Variants in ZNF93 observed in about 807,000 individuals in gnomAD.
ZNF93 encodes zinc finger protein 505.
A neutral mutation model predicts 45.0 loss-of-function variants in ZNF93; 29 were observed. The ratio of observed to expected loss-of-function variants is 0.64; its 90% confidence interval spans 0.48 to 0.88. ZNF93 has a LOEUF of 0.88. Among genes scored for constraint, ZNF93 ranks in the 40% least tolerant of loss-of-function variants. ZNF93 has a pLI of 0.00. For synonymous variants in ZNF93, 223 were observed against 244.6 expected (o/e 0.91, Z 0.82); for missense variants, 578 against 724.0 (o/e 0.80, Z 2.31).
At chr19:19,916,444 G>T (rs960679017) in intron 2 of ZNF93, 116 bp from the exon 3 acceptor site, 1 of 805,618 alleles carries the variant, frequency 1.2e-6, no homozygotes, top group South Asian at 1.8e-5. Context: ...TTATAAATTT[G>T]TATTTTGGTA....
intron 1 of ZNF93, among the ~76,000 whole-genome samples, chr19:19,912,848 C>G (rs540855853): frequency 3.0e-4 from 46 of 152,326 alleles, no homozygotes; most frequent in African/African-American, 1.1e-3. Context: ...CAGCACCGTG[C>G]TCTGTATCAT....
chr19:19,915,198 T>C, intron 1 of ZNF93, 82 bp from the exon 2 acceptor site: 1 of 1,607,630 alleles, frequency 6.2e-7, no homozygotes, highest in Non-Finnish European at 8.5e-7. Context: ...ACCACTTCTC[T>C]TTACTCTCTC....
Position 19,913,311 on chromosome 19 carries a change from A to G in ZNF93, c.4-1969A>G, listed in dbSNP as rs560318084. On this transcript the variant is annotated intron_variant, in intron 1 of 3. Transcript: ENST00000343769. ...GCTTCTCATTAGGATCACATGACCAATTTGCTGAAATCTCTTGTACCCTCC... is the reference window on the plus strand; with the variant it reads ...GCTTCTCATTAGGATCACATGACCAGTTTGCTGAAATCTCTTGTACCCTCC... Among the ~76,000 whole-genome samples the G allele has an allele frequency of 4.6e-5, 7 of 152,276 alleles. No individual in the cohort carries two copies. In the South Asian group the frequency reaches 1.2e-3, roughly 27 times the overall value.
In ZNF93 at chr19:19,933,482, T is replaced by G; in HGVS notation, c.527T>G (p.Ile176Arg). The part of the protein sequence containing the change: ...RHTEKKPFKC[I>R]ECGKAFNQFS... ...ACTGAAAAAAAACCTTTCAAATGCA[T>G]AGAATGTGGCAAAGCTTTTAACCAG... Residue 176 changes from isoleucine to arginine, a missense_variant, in exon 4 of 4, where the codon ATA becomes AGA. Transcript: ENST00000343769. The G allele has an allele frequency of 1.2e-6, 2 of 1,605,478 alleles. No homozygotes were observed. The highest frequency in any genetic ancestry group is 1.7e-6 in the Non-Finnish European group (2 of 1,177,562).
chr19:19,924,235 T>C (rs1356256519), intron 3 of ZNF93, among the ~76,000 whole-genome samples: 1 of 151,862 alleles, frequency 6.6e-6, no homozygotes, highest in Non-Finnish European at 1.5e-5. Flanking sequence ...TTACAGGTGT[T>C]TGCCACAATG....
Position 19,934,523 on chromosome 19 carries a change from C to A in ZNF93, c.1568C>A (p.Thr523Asn). 6.2e-7 allele frequency: 1 copy of A among 1,612,486 alleles called. No homozygotes were observed. Among genetic ancestry groups the A allele is most frequent in the Non-Finnish European group, 8.5e-7 (1 of 1,179,782 alleles). ...ECGKAFNQSS[T>N]LIKHKKIHTR... Reference sequence around the variant, plus strand: ...GGCAAAGCTTTTAACCAGTCCTCAACCCTTATTAAACATAAGAAAATTCAT... The same window carrying A: ...GGCAAAGCTTTTAACCAGTCCTCAAACCTTATTAAACATAAGAAAATTCAT... Residue 523 changes from threonine to asparagine, a missense_variant, in exon 4 of 4, where the codon ACC becomes AAC. By Grantham distance (65) the Thr-to-Asn change is moderately conservative. This residue lies in a region of ZNF93 where 119 missense variants were observed against 123.1 expected (regional missense o/e 0.97). Coordinates refer to ENST00000343769, the MANE Select transcript of ZNF93 (RefSeq NM_031218.4).
At chr19:19,910,549 A>G (rs78064675) in intron 1 of ZNF93, among the ~76,000 whole-genome samples, 6,162 of 152,224 alleles carry the variant, frequency 0.04, 294 homozygotes, top group East Asian at 0.17. Flanking sequence ...AACTGCTGGT[A>G]ATCAAAATGC....
chr19:19,908,031 A>G (rs754621251), intron 1 of ZNF93, among the ~76,000 whole-genome samples: 8 of 152,184 alleles, frequency 5.3e-5, no homozygotes, highest in Non-Finnish European at 1.2e-4. Flanking sequence ...ATCCAAAGAA[A>G]ATTTACTACC....
In ZNF93 at chr19:19,910,310, C is replaced by G. The variant is rs1046882804; in HGVS notation, c.4-4970C>G. ...AAAGTACTGTTATGTCTTTCTCCCC[C>G]CTTTGAACTATGTATTCATCTCTTG... is the stretch of plus-strand genomic sequence containing the variant. On this transcript the variant is annotated intron_variant, in intron 1 of 3. Transcript: ENST00000343769. 2.0e-5 allele frequency among the ~76,000 whole-genome samples: 3 copies of G among 152,140 alleles called. No homozygotes were observed. In the East Asian group the frequency reaches 5.8e-4, roughly 29 times the overall value.
At position 19,901,016 on chromosome 19, in the gene ZNF93, C is replaced by G; in HGVS notation, c.-73C>G. ...GTGTCCTGTGCTCCTACAGGCCCAG[C>G]CTCTGTGGCCCTGTGACCTGCAGGT... On this transcript the variant is annotated 5_prime_UTR_variant, in exon 1 of 4. Transcript: ENST00000343769. 1.3e-6 allele frequency: 2 copies of G among 1,596,736 alleles called. No homozygotes were observed. The highest frequency in any genetic ancestry group is 1.7e-6 in the Non-Finnish European group (2 of 1,164,848).
intron 1 of ZNF93, among the ~76,000 whole-genome samples, chr19:19,906,903 T>C (rs1270396514): frequency 1.3e-5 from 2 of 150,370 alleles, no homozygotes; most frequent in Non-Finnish European, 3.0e-5. Flanking sequence ...TTTTATAACA[T>C]CTTTTTCTCT....
At position 19,915,312 on chromosome 19, in the gene ZNF93, A is replaced by C; in HGVS notation, c.36A>C (p.Glu12Asp). Residue 12 changes from glutamate (E) to aspartate (D), a missense_variant, in exon 2 of 4, where the codon GAA (glutamate) becomes GAC (aspartate). By Grantham distance (45) the Glu-to-Asp change is conservative. Around this residue, in one of 3 missense-constraint regions of ZNF93, gnomAD observed 446 missense variants for 547.6 expected, o/e 0.81. Transcript: ENST00000343769. ...TGCAATTTAGAGATGTGGCCATAGAATTCTCTCTGGAGGAGTGGCATTGCC... is the reference window on the plus strand; with the variant it reads ...TGCAATTTAGAGATGTGGCCATAGACTTCTCTCTGGAGGAGTGGCATTGCC... ...GPLQFRDVAI[E>D]FSLEEWHCLD... 1 of 1,614,076 alleles carries C rather than the reference A, an allele frequency of 6.2e-7. No individual in the cohort carries two copies. The highest frequency in any genetic ancestry group is 8.5e-7 in the Non-Finnish European group (1 of 1,179,978).
intron 1 of ZNF93, among the ~76,000 whole-genome samples, chr19:19,906,252 AT>A (rs2063292565): frequency 6.6e-6 from 1 of 151,704 alleles, no homozygotes; most frequent in Non-Finnish European, 1.5e-5. Flanking sequence ...GTGGTATCTC[AT>A]TGTGGTTTTT....
Position 19,934,764 on chromosome 19 carries a change from T to A in ZNF93, c.1809T>A (p.Ile603=). 6.2e-7 allele frequency: 1 copy of A among 1,608,078 alleles called. No homozygotes were observed. The highest frequency in any genetic ancestry group is 2.2e-5 in the East Asian group (1 of 44,808). ...YECDKCGKAF[I]SPSSLSRHEI... ...GTGATAAATGTGGCAAAGCCTTTAT[T>A]TCACCCTCAAGCCTTAGTAGACATG... The change falls in exon 4 of 4, where the codon ATT becomes ATA. Residue 603 remains isoleucine (I), a synonymous_variant. Coordinates refer to ENST00000343769, the MANE Select transcript of ZNF93 (RefSeq NM_031218.4).
At chr19:19,902,738 C>CTTT (rs35918160) in intron 1 of ZNF93, among the ~76,000 whole-genome samples, 1 of 135,730 alleles carries the variant, frequency 7.4e-6, no homozygotes, top group Non-Finnish European at 1.6e-5. Flanking sequence ...CTGGGAGGAT[C>CTTT]TTTTTTTTTT....
intron 1 of ZNF93, chr19:19,914,870 T>TG: frequency 3.0e-6 from 1 of 335,118 alleles, no homozygotes; most frequent in Non-Finnish European, 5.6e-6. Context: ...CCAGATCTTC[T>TG]GGGAAAAAAC....
At chr19:19,913,108 A>T (rs2063314184) in intron 1 of ZNF93, among the ~76,000 whole-genome samples, 2 of 150,058 alleles carry the variant, frequency 1.3e-5, no homozygotes, top group South Asian at 4.2e-4. Flanking sequence ...TAATGCTCAT[A>T]ATGAGCCAGT....
chr19:19,929,265 T>C (rs1253567907), intron 3 of ZNF93, among the ~76,000 whole-genome samples: 1 of 152,230 alleles, frequency 6.6e-6, no homozygotes. Flanking sequence ...ACACTTCTTA[T>C]ACACTCTGCC....
chr19:19,934,015 T>C lies in ZNF93; in HGVS notation c.1060T>C (p.Ser354Pro), dbSNP rs745934723. 1.9e-6 allele frequency: 3 copies of C among 1,612,872 alleles called. No homozygotes were observed. The highest frequency in any genetic ancestry group is 2.5e-6 in the Non-Finnish European group (3 of 1,179,614). Residue 354 changes from serine to proline, a missense_variant, in exon 4 of 4, where the codon TCA becomes CCA. By Grantham distance (74) the Ser-to-Pro change is moderately conservative. This residue lies in a region of ZNF93 where 446 missense variants were observed against 547.6 expected (regional missense o/e 0.81). Transcript: ENST00000343769. ...ATGTGGCAAAGCCTTTATTGCATCC[T>C]CAACCCTTAGTAGACATGAGTTCAT... is the stretch of plus-strand genomic sequence containing the variant. ...NKCGKAFIAS[S>P]TLSRHEFIHM...
Sources: allele counts gnomAD v4.1 joint callset (sites outside exome capture counted in the v4.1 genomes callset), GRCh38; gene constraint gnomAD v4.1.1; regional missense constraint gnomAD v4.1.1; transcripts MANE v1.5; gene names NCBI Gene and HGNC (gene_info 2026-07-23, HGNC 2026-07-21).